PDE8B: variants seen among roughly 807,000 people sequenced by gnomAD.
PDE8B encodes the protein high affinity cAMP-specific and IBMX-insensitive 3',5'-cyclic phosphodiesterase 8B.
Under a neutral mutation model 101.3 loss-of-function variants are expected in PDE8B, and 26 were observed. That is an observed-to-expected ratio of 0.26 (90% CI 0.19 to 0.36). The LOEUF (loss-of-function observed/expected upper bound fraction) is 0.36, where lower values mean the gene tolerates loss of function less well. Among genes scored for constraint, PDE8B ranks in the 10% least tolerant of loss-of-function variants. The pLI is 1.00. For missense variants in PDE8B, 810 were observed against 1,163.1 expected (o/e 0.70, Z 4.42); for synonymous variants, 424 against 429.3 (o/e 0.99, Z 0.15).
In PDE8B at chr5:77,338,991, G is replaced by C. The variant is rs1484524896; in HGVS notation, c.797+1676G>C. ...GGCACTGGGGGGCTGTCCCAGGAAT[G>C]TTAGGGGCACCTTGTCCATGATGAG... On this transcript the variant is annotated intron_variant, in intron 6 of 21. Transcript: ENST00000264917. Among the ~76,000 whole-genome samples the C allele has an allele frequency of 5.3e-5, 8 of 152,316 alleles. No individual in the cohort carries two copies. In the South Asian group the frequency reaches 1.7e-3, roughly 32 times the overall value.
the PDE8B span, among the ~76,000 whole-genome samples, chr5:77,157,383 T>C: frequency 6.6e-6 from 1 of 152,114 alleles, no homozygotes; most frequent in African/African-American, 2.4e-5. Flanking sequence ...GGGACAGACA[T>C]CCCAGCAGGT....
At chr5:77,365,341 C>G (rs1045746180) in intron 10 of PDE8B, among the ~76,000 whole-genome samples, 2 of 152,180 alleles carry the variant, frequency 1.3e-5, no homozygotes, top group Non-Finnish European at 1.5e-5. Context: ...TGAATTAGAT[C>G]TGGCGCGATC....
At chr5:77,235,868 G>A (rs1253657686) in intron 1 of PDE8B, among the ~76,000 whole-genome samples, 1 of 151,792 alleles carries the variant, frequency 6.6e-6, no homozygotes, top group Non-Finnish European at 1.5e-5. Flanking sequence ...TTTTAACTGG[G>A]GGAGATCACC....
intron 1 of PDE8B, among the ~76,000 whole-genome samples, chr5:77,304,346 T>C (rs995347586): frequency 2.0e-5 from 3 of 152,236 alleles, no homozygotes; most frequent in Non-Finnish European, 4.4e-5. Flanking sequence ...AAATTTCTTT[T>C]TCAAATCATT....
intron 10 of PDE8B, among the ~76,000 whole-genome samples, chr5:77,397,781 A>C (rs1791387471): frequency 6.6e-6 from 1 of 152,222 alleles, no homozygotes; most frequent in South Asian, 2.1e-4. Context: ...AGTAGCCCTT[A>C]TAGTAGTAAC....
the PDE8B span, among the ~76,000 whole-genome samples, chr5:77,107,357 A>G: frequency 6.6e-6 from 1 of 152,308 alleles, no homozygotes; most frequent in Middle Eastern, 3.4e-3. Context: ...GAGTTTATAC[A>G]TTCACCTTGT....
At chr5:77,410,916 G>A (rs1049748680) in intron 14 of PDE8B, 42 of 152,256 alleles carry the variant, frequency 2.8e-4, no homozygotes, top group African/African-American at 1.0e-3. Context: ...ATGTATACAT[G>A]TGCCATGTTG....
the PDE8B span, among the ~76,000 whole-genome samples, chr5:77,171,179 T>C: frequency 6.6e-6 from 1 of 152,166 alleles, no homozygotes; most frequent in African/African-American, 2.4e-5. Context: ...TGGAAAGGGA[T>C]TGGACTTAAC....
intron 1 of PDE8B, among the ~76,000 whole-genome samples, chr5:77,232,289 C>T (rs7448368): frequency 0.34 from 52,439 of 152,052 alleles, 10,304 homozygotes; most frequent in East Asian, 0.83. Context: ...TGTACATTCT[C>T]CTTATTTTCC....
intron 10 of PDE8B, among the ~76,000 whole-genome samples, chr5:77,364,215 G>C (rs1296945089): frequency 6.6e-5 from 10 of 152,218 alleles, no homozygotes; most frequent in African/African-American, 2.4e-4. Flanking sequence ...AGTAGTAAAT[G>C]TCAGCTCTGA....
intron 10 of PDE8B, among the ~76,000 whole-genome samples, chr5:77,384,171 T>C (rs1788080527): frequency 6.6e-6 from 1 of 152,212 alleles, no homozygotes; most frequent in African/African-American, 2.4e-5. Flanking sequence ...GAGCAGTGGT[T>C]TGTAGCTCTC....
At chr5:77,249,091 G>C (rs1757547337) in intron 1 of PDE8B, among the ~76,000 whole-genome samples, 1 of 152,178 alleles carries the variant, frequency 6.6e-6, no homozygotes, top group Non-Finnish European at 1.5e-5. Flanking sequence ...AATACATGTA[G>C]TTTCCCAGGA....
upstream of PDE8B, chr5:77,210,512 A>T: frequency 7.9e-6 from 4 of 507,312 alleles, no homozygotes; most frequent in Non-Finnish European, 1.0e-5. This position sits in a 1 kb window ranked among gnomAD's most constrained non-coding sequence, Gnocchi z 4.9. Context: ...GCAGGCGGGC[A>T]GGCGGGCGGG....
At chr5:77,300,755 G>A (rs1183116774) in intron 1 of PDE8B, among the ~76,000 whole-genome samples, 1 of 152,168 alleles carries the variant, frequency 6.6e-6, no homozygotes, top group Admixed American at 6.5e-5. Context: ...CAGGCTTCTG[G>A]TGTCTTTGCT....
the PDE8B span, among the ~76,000 whole-genome samples, chr5:77,111,477 A>T: frequency 6.6e-6 from 1 of 152,216 alleles, no homozygotes; most frequent in African/African-American, 2.4e-5. Flanking sequence ...AATTGTGTTT[A>T]CATACACAGG....
At chr5:77,233,696 G>GTGTGTGTGTA (rs1554061218) in intron 1 of PDE8B, among the ~76,000 whole-genome samples, 1 of 143,004 alleles carries the variant, frequency 7.0e-6, no homozygotes. Context: ...GTGTGTGTGT[G>GTGTGTGTGTA]TGTGCAGTAG....
intron 1 of PDE8B, among the ~76,000 whole-genome samples, chr5:77,287,242 T>C (rs1281796562): frequency 1.3e-5 from 2 of 151,994 alleles, no homozygotes; most frequent in Admixed American, 6.6e-5. Context: ...TTTATTATTA[T>C]TATTATTATT....
At chr5:77,102,481 G>A in the PDE8B span, among the ~76,000 whole-genome samples, 1 of 152,184 alleles carries the variant, frequency 6.6e-6, no homozygotes, top group Admixed American at 6.5e-5. Flanking sequence ...TTGTTGTGGG[G>A]ATTAAATGAA....
intron 2 of PDE8B, among the ~76,000 whole-genome samples, chr5:77,314,188 T>C (rs1335589262): frequency 1.3e-5 from 2 of 152,142 alleles, no homozygotes; most frequent in Non-Finnish European, 2.9e-5. Flanking sequence ...TTGTCGAAAA[T>C]CAGTCATAAA....
Sources: allele counts gnomAD v4.1 joint callset (sites outside exome capture counted in the v4.1 genomes callset), GRCh38; gene constraint gnomAD v4.1.1; non-coding constraint Gnocchi (gnomAD v3.1); transcripts MANE v1.5; gene names NCBI Gene and HGNC (gene_info 2026-07-23, HGNC 2026-07-21).